GPC6: variants seen among roughly 807,000 people sequenced by gnomAD.
GPC6 encodes glypican 6.
Under a neutral mutation model 55.2 loss-of-function variants are expected in GPC6, and 14 were observed. That is an observed-to-expected ratio of 0.25 (90% CI 0.17 to 0.40). The LOEUF (loss-of-function observed/expected upper bound fraction) is 0.40. GPC6 is among the 10% of genes least tolerant of loss of function. GPC6 has a pLI of 1.00. For missense variants in GPC6, 641 were observed against 708.5 expected (o/e 0.90, Z 1.08); for synonymous variants, 278 against 259.6 (o/e 1.07, Z -0.68).
intron 6 of GPC6, among the ~76,000 whole-genome samples, chr13:94,316,664 C>T (rs142551413): frequency 0.016 from 2,417 of 149,448 alleles, 54 homozygotes; most frequent in African/African-American, 0.057. Context: ...TTGCAGTGAG[C>T]CGAGATCCCG....
intron 6 of GPC6, among the ~76,000 whole-genome samples, chr13:94,373,033 G>A (rs1879656202): frequency 6.6e-6 from 1 of 152,154 alleles, no homozygotes; most frequent in South Asian, 2.1e-4. Context: ...CTAAAAAACA[G>A]AAAGGACATC....
intron 2 of GPC6, among the ~76,000 whole-genome samples, chr13:93,625,689 C>G (rs1386506901): frequency 6.6e-6 from 1 of 152,192 alleles, no homozygotes; most frequent in Non-Finnish European, 1.5e-5. Flanking sequence ...CCCAAGGCCC[C>G]AGGCCAAAAT....
chr13:93,870,124 C>A (rs1889085225), intron 3 of GPC6, among the ~76,000 whole-genome samples: 1 of 151,872 alleles, frequency 6.6e-6, no homozygotes, highest in Non-Finnish European at 1.5e-5. Flanking sequence ...TTTGGGACAC[C>A]ACTTTCTTCA....
chr13:93,514,779 A>G (rs1209431804), intron 1 of GPC6, among the ~76,000 whole-genome samples: 1 of 152,314 alleles, frequency 6.6e-6, no homozygotes, highest in East Asian at 1.9e-4. Context: ...GTTAGCCTGA[A>G]TTATTGAGTG....
rs1281802221 is a variant in GPC6, at chr13:93,227,729, G to T, written c.160+113G>T. ...GTTGCTGAGTTGGTGCTCACTTTCT[G>T]CCACCGCTATGGGACTCCGCGTCTC... On this transcript the variant is annotated intron_variant, in intron 1 of 8. Coordinates refer to ENST00000377047, the MANE Select transcript of GPC6 (RefSeq NM_005708.5). The surrounding 1 kb of genome is among the most constrained non-coding windows in gnomAD (Gnocchi z 4.3). 19 of 816,064 alleles carry T rather than the reference G, an allele frequency of 2.3e-5. No homozygotes were observed. The highest frequency in any genetic ancestry group is 3.6e-5 in the Non-Finnish European group (19 of 520,986). 50.6% of individuals were successfully genotyped at this position (816,064 alleles called of 1,614,324 possible). A position where few individuals can be genotyped will look rare whatever the true frequency, so the allele number is the denominator to read the frequency against.
intron 3 of GPC6, among the ~76,000 whole-genome samples, chr13:93,905,194 G>T (rs1876597039): frequency 1.3e-5 from 2 of 149,944 alleles, no homozygotes; most frequent in Admixed American, 6.7e-5. Context: ...AAACTGCATT[G>T]TATGGTGGGA....
chr13:93,842,547 A>G (rs1887992216), intron 3 of GPC6, among the ~76,000 whole-genome samples: 2 of 152,208 alleles, frequency 1.3e-5, no homozygotes, highest in African/African-American at 4.8e-5. Context: ...TGTTTAACAA[A>G]TTGTAAAACC....
At chr13:94,005,741 A>G (rs1039060970) in intron 3 of GPC6, among the ~76,000 whole-genome samples, 5 of 152,140 alleles carry the variant, frequency 3.3e-5, no homozygotes, top group African/African-American at 1.2e-4. Flanking sequence ...AATATTAAAC[A>G]TGTTTATTAT....
intron 2 of GPC6, among the ~76,000 whole-genome samples, chr13:93,801,054 T>C (rs1886352713): frequency 6.6e-6 from 1 of 152,176 alleles, no homozygotes; most frequent in South Asian, 2.1e-4. Flanking sequence ...GGCCAACAGA[T>C]CGATAGAGAC....
intron 3 of GPC6, among the ~76,000 whole-genome samples, chr13:93,897,423 A>C (rs1256846287): frequency 6.6e-6 from 1 of 152,114 alleles, no homozygotes; most frequent in Non-Finnish European, 1.5e-5. Context: ...GAATGTATCA[A>C]ATTATCACAT....
intron 2 of GPC6, among the ~76,000 whole-genome samples, chr13:93,667,325 G>A (rs367745207): frequency 7.2e-5 from 11 of 152,030 alleles, no homozygotes; most frequent in Admixed American, 2.0e-4. Context: ...AATTCCAGAC[G>A]ATGTAAATCA....
intron 1 of GPC6, among the ~76,000 whole-genome samples, chr13:93,309,574 G>A (rs1878992259): frequency 6.6e-6 from 1 of 152,070 alleles, no homozygotes; most frequent in Non-Finnish European, 1.5e-5. Flanking sequence ...AATTGGTAGA[G>A]GCAGTTTAAA....
chr13:93,666,280 A>G (rs554084181), intron 2 of GPC6, among the ~76,000 whole-genome samples: 4 of 152,264 alleles, frequency 2.6e-5, no homozygotes, highest in African/African-American at 9.6e-5. Context: ...CAATGAATAC[A>G]TATCTTTTCA....
chr13:93,626,052 G>A (rs774330506), intron 2 of GPC6, among the ~76,000 whole-genome samples: 17 of 152,048 alleles, frequency 1.1e-4, no homozygotes, highest in Non-Finnish European at 1.5e-4. Context: ...AAATTTGAGC[G>A]TAATAAGAAG....
At chr13:93,502,734 G>C (rs188933047) in intron 1 of GPC6, among the ~76,000 whole-genome samples, 1 of 152,102 alleles carries the variant, frequency 6.6e-6, no homozygotes, top group East Asian at 1.9e-4. Flanking sequence ...TAGACAATCA[G>C]CAAAACAATA....
chr13:93,814,774 G>A (rs971156494), intron 2 of GPC6, among the ~76,000 whole-genome samples: 1 of 152,168 alleles, frequency 6.6e-6, no homozygotes, highest in Non-Finnish European at 1.5e-5. Context: ...TCTTGTGAAA[G>A]GTTAGTATTC....
At chr13:93,487,190 T>C (rs1404587679) in intron 1 of GPC6, among the ~76,000 whole-genome samples, 1 of 152,240 alleles carries the variant, frequency 6.6e-6, no homozygotes, top group East Asian at 1.9e-4. Context: ...TTGAAGGAGA[T>C]CATTATTGCA....
chr13:94,358,997 G>C (rs1007836556), intron 6 of GPC6, among the ~76,000 whole-genome samples: 2 of 152,200 alleles, frequency 1.3e-5, no homozygotes, highest in Non-Finnish European at 2.9e-5. Flanking sequence ...CTGGACAAAA[G>C]TTCTAGCTCC....
intron 2 of GPC6, among the ~76,000 whole-genome samples, chr13:93,693,461 CTGTGTGTGTGTGTGTGTGTGTG>C (rs35459356): frequency 4.0e-4 from 56 of 139,428 alleles, no homozygotes; most frequent in African/African-American, 1.3e-3. Flanking sequence ...GTATGTATAT[CTGTGTGTGTGTGTGTGTGTGTG>C]TGTGTGTGTG....
Sources: allele counts gnomAD v4.1 joint callset (sites outside exome capture counted in the v4.1 genomes callset), GRCh38; gene constraint gnomAD v4.1.1; non-coding constraint Gnocchi (gnomAD v3.1); transcripts MANE v1.5; gene names NCBI Gene and HGNC (gene_info 2026-07-23, HGNC 2026-07-21).